MARCHF1: variants seen among roughly 807,000 people sequenced by gnomAD.
MARCHF1 encodes the protein E3 ubiquitin-protein ligase MARCHF1.
In MARCHF1, 40 loss-of-function variants were observed where a neutral mutation model predicts 54.2. The ratio of observed to expected loss-of-function variants is 0.74; its 90% CI spans 0.57 to 0.96. The LOEUF (loss-of-function observed/expected upper bound fraction) is 0.96. Ranked by LOEUF, MARCHF1 falls within the 40% of genes least tolerant of loss-of-function variation. MARCHF1 has a pLI of 0.00. For missense variants in MARCHF1, 586 were observed against 656.5 expected (o/e 0.89, Z 1.17); for synonymous variants, 236 against 236.3 (o/e 1.00, Z 0.01).
intron 1 of MARCHF1, among the ~76,000 whole-genome samples, chr4:164,177,296 A>C (rs1203468311): frequency 2.0e-5 from 3 of 152,024 alleles, no homozygotes; most frequent in Admixed American, 2.0e-4. Flanking sequence ...CTATGGCCAA[A>C]AGAGAAATCC....
At chr4:164,151,668 C>T (rs1169625122) in intron 1 of MARCHF1, among the ~76,000 whole-genome samples, 6 of 152,150 alleles carry the variant, frequency 3.9e-5, no homozygotes, top group Non-Finnish European at 7.4e-5. Flanking sequence ...GGAGCCACTA[C>T]ATGCAAAGAA....
At chr4:163,572,731 T>C (rs1739883837) in intron 8 of MARCHF1, among the ~76,000 whole-genome samples, 1 of 152,106 alleles carries the variant, frequency 6.6e-6, no homozygotes, top group African/African-American at 2.4e-5. Flanking sequence ...TGTTTCCATG[T>C]GGAGGGACCT....
intron 1 of MARCHF1, among the ~76,000 whole-genome samples, chr4:164,233,363 G>A (rs986531760): frequency 9.2e-5 from 14 of 152,100 alleles, no homozygotes; most frequent in African/African-American, 3.4e-4. Context: ...TGAGTATAAG[G>A]CCCTGCCATT....
Position 163,853,936 on chromosome 4 carries a change from T to G in MARCHF1, c.111+85A>C, listed in dbSNP as rs1280928075. On this transcript the variant is annotated intron_variant, in intron 4 of 9. Coordinates refer to ENST00000514618, the MANE Select transcript of MARCHF1 (RefSeq NM_001394959.1). ...ATACTGTTGTAAACAACGATAACATTTACTTATAAGGTCATCCTCTCCACA... is the reference window on the plus strand; with the variant it reads ...ATACTGTTGTAAACAACGATAACATGTACTTATAAGGTCATCCTCTCCACA... The G allele has an allele frequency of 2.6e-6, 3 of 1,170,072 alleles. No individual in the cohort carries two copies. In the East Asian group the frequency reaches 7.8e-5, roughly 31 times the overall value. 72.5% of individuals were successfully genotyped at this position (1,170,072 alleles called of 1,614,324 possible). A position where few individuals can be genotyped will look rare whatever the true frequency, so the allele number is the denominator to read the frequency against.
chr4:163,657,896 T>C (rs1743207202), intron 5 of MARCHF1, among the ~76,000 whole-genome samples: 1 of 151,990 alleles, frequency 6.6e-6, no homozygotes, highest in Non-Finnish European at 1.5e-5. Context: ...CTTTACATGT[T>C]ATATAAAAAC....
At chr4:164,215,143 G>A (rs1241658301) in intron 1 of MARCHF1, among the ~76,000 whole-genome samples, 1 of 152,190 alleles carries the variant, frequency 6.6e-6, no homozygotes, top group Non-Finnish European at 1.5e-5. Flanking sequence ...TGGTTTACCG[G>A]AAGAATTGGA....
intron 4 of MARCHF1, among the ~76,000 whole-genome samples, chr4:163,794,365 A>G (rs1747853493): frequency 2.0e-5 from 3 of 152,202 alleles, no homozygotes; most frequent in African/African-American, 7.2e-5. Context: ...CAAGTATATA[A>G]TTTTCAACTG....
intron 3 of MARCHF1, among the ~76,000 whole-genome samples, chr4:163,897,013 A>C (rs562676323): frequency 1.2e-4 from 18 of 152,214 alleles, no homozygotes; most frequent in African/African-American, 3.4e-4. Flanking sequence ...CATTCTCTCT[A>C]CTACTCGTGA....
chr4:163,807,256 A>C (rs1260888174), intron 4 of MARCHF1, among the ~76,000 whole-genome samples: 1 of 152,214 alleles, frequency 6.6e-6, no homozygotes, highest in Non-Finnish European at 1.5e-5. Context: ...TTAAAAATTT[A>C]TCACTGACAA....
chr4:164,075,700 G>C lies in MARCHF1; in HGVS notation c.-248+35888C>G, dbSNP rs530078579. Among the ~76,000 whole-genome samples the C allele has an allele frequency of 2.3e-3, 348 of 152,292 alleles. 2 individuals are homozygous for C. The highest frequency in any genetic ancestry group is 7.9e-3 in the African/African-American group (329 of 41,570). On this transcript the variant is annotated intron_variant, in intron 2 of 9. Coordinates refer to ENST00000514618, the MANE Select transcript of MARCHF1 (RefSeq NM_001394959.1). ...TAATTGAATCTCTGAGCTCTATTTG[G>C]TCTTTAGGACATTTCCCAAATTGAT...
intron 3 of MARCHF1, among the ~76,000 whole-genome samples, chr4:163,942,407 G>C (rs117704024): frequency 0.022 from 3,424 of 152,270 alleles, 245 homozygotes; most frequent in Admixed American, 0.14. Context: ...TGATGATAAG[G>C]AGAATTGTTC....
chr4:164,049,105 A>G (rs889177884), intron 2 of MARCHF1, among the ~76,000 whole-genome samples: 4 of 152,218 alleles, frequency 2.6e-5, no homozygotes, highest in African/African-American at 9.6e-5. Context: ...ATTTATAAAG[A>G]AAAGAAGTTT....
At chr4:163,560,791 A>C (rs1739443012) in intron 8 of MARCHF1, among the ~76,000 whole-genome samples, 1 of 152,210 alleles carries the variant, frequency 6.6e-6, no homozygotes, top group Non-Finnish European at 1.5e-5. Flanking sequence ...ATTGCAAATA[A>C]TATTTTTAAA....
chr4:164,257,105 C>G (rs1733309690), intron 1 of MARCHF1, among the ~76,000 whole-genome samples: 1 of 151,946 alleles, frequency 6.6e-6, no homozygotes, highest in Non-Finnish European at 1.5e-5. Flanking sequence ...ATAAACTGTT[C>G]ATCACATAAT....
At chr4:163,795,574 A>G (rs1299664209) in intron 4 of MARCHF1, among the ~76,000 whole-genome samples, 1 of 152,232 alleles carries the variant, frequency 6.6e-6, no homozygotes, top group Non-Finnish European at 1.5e-5. Context: ...ATGGAAATGC[A>G]ATTTTGTTAC....
chr4:163,749,296 T>C (rs1746450965), intron 4 of MARCHF1, among the ~76,000 whole-genome samples: 1 of 152,150 alleles, frequency 6.6e-6, no homozygotes, highest in South Asian at 2.1e-4. Flanking sequence ...GTATTGCTTT[T>C]TTTTTCTGTT....
chr4:164,155,626 A>G (rs925664911), intron 1 of MARCHF1, among the ~76,000 whole-genome samples: 1 of 152,212 alleles, frequency 6.6e-6, no homozygotes, highest in Admixed American at 6.5e-5. Context: ...TGGGAGCTAA[A>G]TAATGTATAC....
At chr4:163,752,676 G>A (rs916965283) in intron 4 of MARCHF1, among the ~76,000 whole-genome samples, 7 of 152,120 alleles carry the variant, frequency 4.6e-5, no homozygotes, top group African/African-American at 1.7e-4. Flanking sequence ...AATGACAAAA[G>A]CACTGTGTGG....
chr4:163,944,481 C>T (rs763916078), intron 3 of MARCHF1, among the ~76,000 whole-genome samples: 40 of 152,280 alleles, frequency 2.6e-4, no homozygotes, highest in Middle Eastern at 6.8e-3. Context: ...CTGCTTGAGC[C>T]AGTTTTTGGG....
Sources: gnomAD v4.1 joint callset for allele counts (sites outside exome capture counted in the v4.1 genomes callset) on GRCh38, gnomAD v4.1.1 for gene constraint, MANE v1.5 for transcripts, NCBI Gene and HGNC (gene_info 2026-07-23, HGNC 2026-07-21) for gene names.